Variants in SPINK9 observed in about 807,000 individuals in gnomAD.
The protein encoded by SPINK9 is serine peptidase inhibitor Kazal type 9.
A neutral mutation model predicts 10.8 loss-of-function variants in SPINK9; 3 were observed. The observed-to-expected ratio is 0.28, with a 90% CI of 0.13 to 0.72. The LOEUF is 0.72. Among genes scored for constraint, SPINK9 ranks in the 30% least tolerant of loss-of-function variants. The pLI, the probability that SPINK9 is intolerant of heterozygous loss-of-function variation, is 0.74. For missense variants in SPINK9, 101 were observed against 103.2 expected (o/e 0.98, Z 0.09); for synonymous variants, 30 against 31.2 (o/e 0.96, Z 0.12).
intron 2 of SPINK9, among the ~76,000 whole-genome samples, chr5:148,326,584 T>C (rs1302113697): frequency 1.3e-5 from 2 of 152,168 alleles, no homozygotes; most frequent in Non-Finnish European, 2.9e-5. Context: ...TACCTATGTA[T>C]ACATGTGCCA....
chr5:148,335,647 C>CT lies in SPINK9; in HGVS notation c.35dup (p.Thr13AspfsTer19). On this transcript the variant is annotated frameshift_variant, in exon 1 of 4. Coordinates refer to ENST00000377906, the MANE Select transcript of SPINK9 (RefSeq NM_001040433.2). LOFTEE classifies it high-confidence loss of function. The stretch of plus-strand genomic sequence containing the variant: ...AACAGCCATAGTCCTACTCTTGGCT[C>CT]TGACACTTGCAACCATGTTCAGTGA... The CT allele has an allele frequency of 6.2e-7, 1 of 1,613,702 alleles. No individual in the cohort carries two copies.
upstream of SPINK9, chr5:148,335,446 G>A: frequency 1.8e-6 from 1 of 556,478 alleles, no homozygotes; most frequent in South Asian, 2.5e-5. Context: ...AATCCCCATG[G>A]CTCGCAGACA....
In SPINK9 at chr5:148,337,342, A is replaced by G. The variant is rs1757230089; in HGVS notation, c.87+889A>G. 2.0e-5 allele frequency among the ~76,000 whole-genome samples: 3 copies of G among 152,304 alleles called. No individual in the cohort carries two copies. The South Asian group carries it at 6.2e-4, about 32-fold the overall frequency. On this transcript the variant is annotated intron_variant, in intron 2 of 3. Coordinates refer to ENST00000377906, the MANE Select transcript of SPINK9 (RefSeq NM_001040433.2). ...AGGTCCTCCTGCCATTATGCCATGCATACCTATCTTTGCATCAGCTCCACT... is the reference window on the plus strand; with the variant it reads ...AGGTCCTCCTGCCATTATGCCATGCGTACCTATCTTTGCATCAGCTCCACT...
At chr5:148,330,816 G>C (rs191836947), upstream of SPINK9, among the ~76,000 whole-genome samples, 153 of 152,248 alleles carry the variant, frequency 1.0e-3, no homozygotes, top group East Asian at 0.026. Context: ...TTTTCTTTAA[G>C]AATGTTGAAT....
chr5:148,326,569 T>A (rs1378938411), intron 2 of SPINK9, among the ~76,000 whole-genome samples: 2 of 152,116 alleles, frequency 1.3e-5, no homozygotes, highest in Non-Finnish European at 2.9e-5. Flanking sequence ...AACCTGCAGG[T>A]TTGTTACCTA....
upstream of SPINK9, among the ~76,000 whole-genome samples, chr5:148,331,234 C>T (rs903595842): frequency 1.2e-4 from 18 of 152,302 alleles, no homozygotes; most frequent in Admixed American, 1.1e-3. Flanking sequence ...TGGCTCCACC[C>T]CTCTAGAGGA....
chr5:148,324,061 T>C lies in SPINK9; in HGVS notation c.118+193T>C, dbSNP rs77055349. ...GAAACAATTATGATCTGAATGCCCA[T>C]CCTTCTCCAATATTTACTAAGGCCT... On this transcript the variant is annotated intron_variant, in intron 2 of 4. Transcript: ENST00000511717. 5.6e-3 allele frequency among the ~76,000 whole-genome samples: 851 copies of C among 152,274 alleles called. 33 individuals carry two copies. The East Asian group carries it at 0.1, about 19-fold the overall frequency.
At position 148,326,882 on chromosome 5, in the gene SPINK9, A is replaced by C. The variant is rs1338214077; in HGVS notation, c.118+3014A>C. Among the ~76,000 whole-genome samples the C allele has an allele frequency of 3.3e-5, 5 of 152,100 alleles. No individual in the cohort carries two copies. The East Asian group carries it at 9.7e-4, about 29-fold the overall frequency. ...GGCTGCATAGTATTCCATGGTGTATATGTGCCACATTTTCTTAATCCAGTC... is the reference window on the plus strand; with the variant it reads ...GGCTGCATAGTATTCCATGGTGTATCTGTGCCACATTTTCTTAATCCAGTC... On this transcript the variant is annotated intron_variant, in intron 2 of 4. Coordinates refer to the SPINK9 transcript ENST00000511717.
chr5:148,336,335 A>C (rs988608317), intron 1 of SPINK9, 87 bp from the exon 2 acceptor site: 1 of 1,387,370 alleles, frequency 7.2e-7, no homozygotes, highest in African/African-American at 1.4e-5. Flanking sequence ...ACAGGCTGAA[A>C]GCTAAAGCAT....
chr5:148,321,673 T>C (rs1262421898), intron 1 of SPINK9, among the ~76,000 whole-genome samples: 1 of 152,156 alleles, frequency 6.6e-6, no homozygotes, highest in African/African-American at 2.4e-5. Context: ...AAGTTATAAC[T>C]AAAATATCTT....
chr5:148,327,587 A>C (rs1436608567), intron 2 of SPINK9, among the ~76,000 whole-genome samples: 1 of 152,040 alleles, frequency 6.6e-6, no homozygotes, highest in Non-Finnish European at 1.5e-5. Flanking sequence ...GCCCATGCCT[A>C]TGTCCTGAAT....
chr5:148,333,463 G>GT (rs1757176458), upstream of SPINK9, among the ~76,000 whole-genome samples: 1 of 152,236 alleles, frequency 6.6e-6, no homozygotes. Flanking sequence ...TGTGCCCAGA[G>GT]TAGCAGCTCA....
exon 2 of SPINK9, chr5:148,323,827 C>A (rs1423579812): frequency 1.4e-6 from 1 of 701,322 alleles, no homozygotes; most frequent in South Asian, 1.5e-5. Flanking sequence ...CACAATGAAC[C>A]CAGGAGACTC....
At chr5:148,327,808 A>T (rs1757085811) in intron 2 of SPINK9, among the ~76,000 whole-genome samples, 1 of 152,094 alleles carries the variant, frequency 6.6e-6, no homozygotes, top group Non-Finnish European at 1.5e-5. Context: ...CAAAGATCAG[A>T]TAGTTGTAGA....
chr5:148,335,552 G>A, upstream of SPINK9: 1 of 1,466,226 alleles, frequency 6.8e-7, no homozygotes, highest in Non-Finnish European at 9.5e-7. Context: ...ATCAAAGTGA[G>A]CTGGACGGAC....
intron 1 of SPINK9, among the ~76,000 whole-genome samples, chr5:148,323,323 A>T (rs968677512): frequency 2.0e-5 from 3 of 152,148 alleles, no homozygotes; most frequent in Non-Finnish European, 4.4e-5. Context: ...ATGAAAAGGA[A>T]ATGTAAATTA....
At chr5:148,339,371 A>G (rs1757258835) in intron 3 of SPINK9, among the ~76,000 whole-genome samples, 2 of 152,054 alleles carry the variant, frequency 1.3e-5, no homozygotes, top group African/African-American at 4.8e-5. Flanking sequence ...TTTTTTTAAT[A>G]AAAGAAAAAT....
At chr5:148,338,256 A>C (rs76239711) in intron 2 of SPINK9, among the ~76,000 whole-genome samples, 3,535 of 152,246 alleles carry the variant, frequency 0.023, 155 homozygotes, top group East Asian at 0.17. Flanking sequence ...ACATTAAGGT[A>C]TGATTTGGGA....
intron 2 of SPINK9, among the ~76,000 whole-genome samples, chr5:148,330,329 C>T (rs528358789): frequency 7.9e-5 from 12 of 152,130 alleles, no homozygotes; most frequent in African/African-American, 2.9e-4. Flanking sequence ...GGTTGCAACC[C>T]CTGCCTTTTT....
Sources: allele counts gnomAD v4.1 joint callset (sites outside exome capture counted in the v4.1 genomes callset), GRCh38; gene constraint gnomAD v4.1.1; transcripts MANE v1.5; gene names NCBI Gene and HGNC (gene_info 2026-07-23, HGNC 2026-07-21).